ZNF44: variants seen among roughly 807,000 people sequenced by gnomAD.
ZNF44 encodes zinc finger protein 44.
A neutral mutation model predicts 11.7 loss-of-function variants in ZNF44; 9 were observed. That is an observed-to-expected ratio of 0.77 (90% CI 0.46 to 1.35). The LOEUF (loss-of-function observed/expected upper bound fraction) is 1.35. Among genes scored for constraint, ZNF44 ranks in the 40% most tolerant of loss-of-function variants. The probability of loss-of-function intolerance (pLI) is 0.00; values close to 1 mark genes in which losing one functional copy is unlikely to be tolerated. For missense variants in ZNF44, 696 were observed against 743.1 expected (o/e 0.94, Z 0.74); for synonymous variants, 224 against 242.7 (o/e 0.92, Z 0.72).
intron 3 of ZNF44, chr19:12,226,622 G>GA (rs2145670250): frequency 6.6e-6 from 1 of 152,274 alleles, no homozygotes; most frequent in East Asian, 1.9e-4. Context: ...AAATTCTGGA[G>GA]AAAATCAGGT....
downstream of ZNF44, among the ~76,000 whole-genome samples, chr19:12,267,905 C>G (rs1917792182): frequency 6.7e-6 from 1 of 149,376 alleles, no homozygotes; most frequent in Admixed American, 6.7e-5. Context: ...GGTGTGATCT[C>G]GGTTCACTGC....
intron 1 of ZNF44, among the ~76,000 whole-genome samples, chr19:12,236,326 A>G (rs1247514072): frequency 6.6e-6 from 1 of 152,210 alleles, no homozygotes; most frequent in East Asian, 1.9e-4. Context: ...ATAAGAGGCA[A>G]TCAGACTGGA....
intron 5 of ZNF44, among the ~76,000 whole-genome samples, chr19:12,261,999 TC>T (rs2145706465): frequency 6.6e-6 from 1 of 152,308 alleles, no homozygotes; most frequent in Admixed American, 6.5e-5. Context: ...TAAGATTTCA[TC>T]CTTTAAATAA....
intron 1 of ZNF44, among the ~76,000 whole-genome samples, chr19:12,287,860 T>C (rs919777659): frequency 4.6e-5 from 7 of 152,188 alleles, no homozygotes; most frequent in African/African-American, 1.4e-4. Flanking sequence ...ATATGGATGG[T>C]ATGTTAATGG....
chr19:12,274,881 G>A, intron 3 of ZNF44, 92 bp downstream of exon 3: 1 of 864,578 alleles, frequency 1.2e-6, no homozygotes, highest in Non-Finnish European at 1.7e-6. Flanking sequence ...TTTAAGCTGG[G>A]CTTGTTCATA....
At chr19:12,262,477 G>T (rs1487037917) in intron 5 of ZNF44, among the ~76,000 whole-genome samples, 1 of 152,018 alleles carries the variant, frequency 6.6e-6, no homozygotes, top group Non-Finnish European at 1.5e-5. Flanking sequence ...CACTGTGTTA[G>T]CCAGGATGGT....
intron 1 of ZNF44, among the ~76,000 whole-genome samples, chr19:12,285,870 T>A (rs1956515879): frequency 6.6e-6 from 1 of 151,594 alleles, no homozygotes; most frequent in African/African-American, 2.4e-5. Context: ...TACAAAAAAA[T>A]TAGCCAGGCG....
At chr19:12,246,417 A>G (rs570564352), downstream of ZNF44, among the ~76,000 whole-genome samples, 1 of 152,310 alleles carries the variant, frequency 6.6e-6, no homozygotes, top group South Asian at 2.1e-4. Context: ...CTTCTAACCA[A>G]AAAGAAGAAA....
downstream of ZNF44, among the ~76,000 whole-genome samples, chr19:12,268,131 T>TACACACACACAC (rs1230538619): frequency 2.8e-5 from 3 of 106,754 alleles, no homozygotes; most frequent in African/African-American, 4.4e-5. Context: ...TTGGTGTTCT[T>TACACACACACAC]ACACACACAC....
At chr19:12,263,252 A>C (rs933231514) in intron 5 of ZNF44, among the ~76,000 whole-genome samples, 2 of 151,496 alleles carry the variant, frequency 1.3e-5, no homozygotes, top group Admixed American at 1.3e-4. Context: ...ACACCCAACT[A>C]ATTTTGTATT....
At chr19:12,271,037 GTGATGATGATGA>G (rs112180662), downstream of ZNF44, among the ~76,000 whole-genome samples, 6 of 151,172 alleles carry the variant, frequency 4.0e-5, no homozygotes, top group East Asian at 1.9e-4. Flanking sequence ...TCCTCTACAA[GTGATGATGATGA>G]TGATGATGAT....
At chr19:12,245,646 G>A (rs1403043593), downstream of ZNF44, among the ~76,000 whole-genome samples, 1 of 152,192 alleles carries the variant, frequency 6.6e-6, no homozygotes, top group Non-Finnish European at 1.5e-5. Flanking sequence ...TGTTTACTAT[G>A]CAAATTAGAT....
At chr19:12,274,521 A>C (rs986597603) in intron 3 of ZNF44, among the ~76,000 whole-genome samples, 1 of 149,852 alleles carries the variant, frequency 6.7e-6, no homozygotes, top group Non-Finnish European at 1.5e-5. Flanking sequence ...GGATCCACCC[A>C]CCTCGGCCTC....
chr19:12,260,673 G>C (rs965055803), intron 5 of ZNF44: 4 of 588,420 alleles, frequency 6.8e-6, no homozygotes, highest in Non-Finnish European at 9.1e-6. Flanking sequence ...GTAAACCCAG[G>C]ACCACTTTAA....
chr19:12,262,831 T>A (rs745356853), intron 5 of ZNF44, among the ~76,000 whole-genome samples: 12 of 152,116 alleles, frequency 7.9e-5, no homozygotes, highest in Non-Finnish European at 1.6e-4. Context: ...AATTACAAAA[T>A]GCTAAGGGAA....
chr19:12,293,300 T>C (rs1237102947), intron 1 of ZNF44: 2 of 1,536,960 alleles, frequency 1.3e-6, no homozygotes, highest in Admixed American at 2.0e-5. Context: ...CAAGGGCCGA[T>C]ATCCACTAGG....
chr19:12,292,866 T>TG (rs541668569), intron 1 of ZNF44, among the ~76,000 whole-genome samples: 1,563 of 107,626 alleles, frequency 0.015, 29 homozygotes, highest in African/African-American at 0.039. Flanking sequence ...TTTTTTTTTT[T>TG]TTTTTTTTTT....
rs777828762 is a variant in ZNF44, at chr19:12,294,716, G to A, written c.-22C>T. On this transcript the variant is annotated 5_prime_UTR_variant, in exon 1 of 4. Coordinates refer to ENST00000355684, the MANE Select transcript of ZNF44 (RefSeq NM_016264.4). ...CCATTTCCCGGCTGTGCGGTGTCCC[G>A]GGTCCTCCCAACTCCCGTAGTCAGG... The A allele has an allele frequency of 9.0e-6, 14 of 1,556,012 alleles. No homozygotes were observed. The African/African-American group carries it at 9.6e-5, about 11-fold the overall frequency.
intron 5 of ZNF44, among the ~76,000 whole-genome samples, chr19:12,264,928 G>A (rs8100698): frequency 0.024 from 3,614 of 152,022 alleles, 148 homozygotes; most frequent in African/African-American, 0.081. Flanking sequence ...GAGCTCCTGA[G>A]CTCAGGAGAT....
Sources: gnomAD v4.1 joint callset for allele counts (sites outside exome capture counted in the v4.1 genomes callset) on GRCh38, gnomAD v4.1.1 for gene constraint, MANE v1.5 for transcripts, NCBI Gene and HGNC (gene_info 2026-07-23, HGNC 2026-07-21) for gene names.